Variants in CBLB observed in about 807,000 individuals in gnomAD.
The protein encoded by CBLB is E3 ubiquitin-protein ligase CBL-B.
Under a neutral mutation model 104.9 loss-of-function variants are expected in CBLB, and 31 were observed. That is an observed-to-expected ratio of 0.30 (90% CI 0.22 to 0.40). The LOEUF (loss-of-function observed/expected upper bound fraction) is 0.40. Ranked by LOEUF, CBLB falls within the 10% of genes least tolerant of loss-of-function variation. The probability of loss-of-function intolerance (pLI) is 1.00; values close to 1 mark genes in which losing one functional copy is unlikely to be tolerated. For synonymous variants in CBLB, 440 were observed against 422.6 expected, an observed-to-expected ratio of 1.04 and a Z score of -0.51; for missense variants, 1,062 against 1,214.6, an observed-to-expected ratio of 0.87 and a Z score of 1.87.
At chr3:105,760,757 T>C (rs1198572713) in intron 4 of CBLB, among the ~76,000 whole-genome samples, 1 of 152,162 alleles carries the variant, frequency 6.6e-6, no homozygotes, top group Non-Finnish European at 1.5e-5. Flanking sequence ...TCTGATAACA[T>C]TTCTAAAACC....
intron 9 of CBLB, among the ~76,000 whole-genome samples, chr3:105,730,044 A>C (rs1489726764): frequency 6.6e-6 from 1 of 152,070 alleles, no homozygotes; most frequent in Non-Finnish European, 1.5e-5. Context: ...TGAGATACAG[A>C]GACTGTGAAA....
At chr3:105,687,865 CA>C (rs1258370256) in intron 13 of CBLB, among the ~76,000 whole-genome samples, 1 of 150,246 alleles carries the variant, frequency 6.7e-6, no homozygotes, top group Non-Finnish European at 1.5e-5. Context: ...GAGGATGGTA[CA>C]AATGAGATAA....
chr3:105,855,686 C>T (rs184054447), intron 2 of CBLB, among the ~76,000 whole-genome samples: 83 of 152,136 alleles, frequency 5.5e-4, no homozygotes, highest in Admixed American at 2.7e-3. Flanking sequence ...GAAGTATATG[C>T]GGTAACGGAA....
chr3:105,783,490 C>T (rs1167976259), intron 3 of CBLB, among the ~76,000 whole-genome samples: 1 of 151,938 alleles, frequency 6.6e-6, no homozygotes, highest in Non-Finnish European at 1.5e-5. Flanking sequence ...AATTCAGAAA[C>T]AGCAAACAAT....
chr3:105,726,556 T>C (rs1385607265), intron 9 of CBLB, among the ~76,000 whole-genome samples: 3 of 152,086 alleles, frequency 2.0e-5, no homozygotes, highest in Admixed American at 2.0e-4. Flanking sequence ...TTTTTTTTTT[T>C]TTTCTTTTAT....
At chr3:105,774,795 T>G (rs568692740) in intron 4 of CBLB, among the ~76,000 whole-genome samples, 18 of 152,228 alleles carry the variant, frequency 1.2e-4, no homozygotes, top group Non-Finnish European at 2.1e-4. Flanking sequence ...TTATTGACCT[T>G]ATGACAAGTA....
Position 105,681,480 on chromosome 3 carries a change from T to G in CBLB, c.2427A>C (p.Leu809Phe), listed in dbSNP as rs1223438908. 2 of 1,614,054 alleles carry G rather than the reference T, an allele frequency of 1.2e-6. No individual in the cohort carries two copies. The change falls in exon 16 of 19, where the codon TTA becomes TTC. Residue 809 changes from leucine to phenylalanine, a missense_variant and splice_region_variant. Physicochemically the swap from Leu to Phe is conservative, Grantham distance 22. This residue lies in a region of CBLB where 605 missense variants were observed against 582.6 expected (regional missense o/e 1.04). Coordinates refer to ENST00000394030, the MANE Select transcript of CBLB (RefSeq NM_170662.5). Reference sequence around the variant, plus strand: ...CAAAACTTTTTTAAAGGTTTCAACCTAATGGAGGGATGAGAAGATCATAAT... The same window carrying G: ...CAAAACTTTTTTAAAGGTTTCAACCGAATGGAGGGATGAGAAGATCATAAT... ...PSDYDLLIPP[L>F]GEDAFDALPP...
chr3:105,763,481 A>C (rs532102945), intron 4 of CBLB, among the ~76,000 whole-genome samples: 36 of 152,314 alleles, frequency 2.4e-4, no homozygotes, highest in Admixed American at 6.5e-4. Flanking sequence ...CCCACAAACT[A>C]TTCTTGTGGT....
chr3:105,860,011 G>C (rs564499653), intron 2 of CBLB, among the ~76,000 whole-genome samples: 1 of 152,318 alleles, frequency 6.6e-6, no homozygotes, highest in Admixed American at 6.5e-5. Flanking sequence ...TTTCCACGAA[G>C]ATGTCTTCAG....
intron 3 of CBLB, among the ~76,000 whole-genome samples, chr3:105,795,346 C>T (rs1445405644): frequency 1.3e-5 from 2 of 151,982 alleles, no homozygotes; most frequent in Non-Finnish European, 2.9e-5. Flanking sequence ...TAATGTTGAT[C>T]GAAAGAAACC....
In CBLB at chr3:105,685,347, T is replaced by C. The variant is rs769320828; in HGVS notation, c.2174A>G (p.His725Arg). The C allele has an allele frequency of 1.1e-5, 17 of 1,598,906 alleles. No homozygotes were observed. The highest frequency in any genetic ancestry group is 1.5e-5 in the Non-Finnish European group (17 of 1,166,486). ...AACAGGAGGTTTTACATTATGACAATGAGATGGTTGTGAATTCAGGGAAAC... is the reference window on the plus strand; with the variant it reads ...AACAGGAGGTTTTACATTATGACAACGAGATGGTTGTGAATTCAGGGAAAC... ...HPVSLNSQPS[H>R]CHNVKPPVRS... The change falls in exon 14 of 19, where the codon CAT becomes CGT. Residue 725 changes from histidine (H) to arginine (R), a missense_variant. His to Arg is a conservative substitution (Grantham distance 29). This residue lies in a region of CBLB where 605 missense variants were observed against 582.6 expected (regional missense o/e 1.04). Transcript: ENST00000394030.
chr3:105,727,016 T>A (rs2073742203), intron 9 of CBLB, among the ~76,000 whole-genome samples: 1 of 152,210 alleles, frequency 6.6e-6, no homozygotes, highest in Non-Finnish European at 1.5e-5. Context: ...TAAACATACA[T>A]GTGAATGTGT....
Position 105,853,582 on chromosome 3 carries a change from T to A in CBLB, c.251A>T (p.His84Leu). ...ILDILPDTYQ[H>L]LRLILSKYDD... ...ATATTTACTCAATATAAGTCGTAAA[T>A]GCTGATATGTATCAGGCAAAATATC... Residue 84 changes from histidine to leucine, a missense_variant, in exon 3 of 19, where the codon CAT becomes CTT. By Grantham distance (99) the His-to-Leu change is moderately conservative (BLOSUM62 -3). Transcript: ENST00000394030. 2 of 1,612,584 alleles carry A rather than the reference T, an allele frequency of 1.2e-6. No homozygotes were observed. Among genetic ancestry groups the A allele is most frequent in the Non-Finnish European group, 1.7e-6 (2 of 1,178,870 alleles).
intron 4 of CBLB, among the ~76,000 whole-genome samples, chr3:105,766,336 C>T (rs911338079): frequency 6.6e-6 from 1 of 152,258 alleles, no homozygotes; most frequent in Non-Finnish European, 1.5e-5. Flanking sequence ...ATTGCAGACA[C>T]TTGGTTGATA....
chr3:105,709,454 G>A (rs958363704), intron 10 of CBLB, among the ~76,000 whole-genome samples: 4 of 151,434 alleles, frequency 2.6e-5, no homozygotes, highest in Non-Finnish European at 4.4e-5. Context: ...AGGAAATTTT[G>A]GAATTATAGG....
intron 17 of CBLB, among the ~76,000 whole-genome samples, chr3:105,677,703 T>C (rs2065821915): frequency 6.6e-6 from 1 of 151,432 alleles, no homozygotes; most frequent in Non-Finnish European, 1.5e-5. Flanking sequence ...TTCTAACTAA[T>C]GCAACAGATA....
intron 18 of CBLB, 57 bp downstream of exon 18, chr3:105,670,176 A>C: frequency 6.7e-7 from 1 of 1,498,248 alleles, no homozygotes; most frequent in Non-Finnish European, 9.3e-7. Flanking sequence ...TGTTCTGAAA[A>C]GCAAAAAGCA....
intron 17 of CBLB, chr3:105,672,023 G>C (rs915552264): frequency 3.1e-5 from 6 of 191,190 alleles, no homozygotes; most frequent in South Asian, 3.9e-4. Context: ...TTTTGCACTA[G>C]ATATTTCATA....
intron 3 of CBLB, among the ~76,000 whole-genome samples, chr3:105,777,346 G>A (rs2079601480): frequency 6.6e-6 from 1 of 152,182 alleles, no homozygotes; most frequent in African/African-American, 2.4e-5. Flanking sequence ...TATAAGAAAT[G>A]GAGAGTCAGG....
Sources: allele counts gnomAD v4.1 joint callset (sites outside exome capture counted in the v4.1 genomes callset), GRCh38; gene constraint gnomAD v4.1.1; regional missense constraint gnomAD v4.1.1; transcripts MANE v1.5; gene names NCBI Gene and HGNC (gene_info 2026-07-23, HGNC 2026-07-21).